The following CLASP2 variants were observed in gnomAD, a reference collection of about 807,000 sequenced individuals.
CLASP2 encodes cytoplasmic linker associated protein 2.
In CLASP2, 47 loss-of-function variants were observed where a neutral mutation model predicts 194.4. The ratio of observed to expected loss-of-function variants is 0.24; its 90% CI spans 0.19 to 0.31. The LOEUF (loss-of-function observed/expected upper bound fraction) is 0.31, where lower values mean the gene tolerates loss of function less well. Among genes scored for constraint, CLASP2 ranks in the 10% least tolerant of loss-of-function variants. The pLI is 1.00. For missense variants in CLASP2, 1,445 were observed against 1,823.6 expected (o/e 0.79, Z 3.78); for synonymous variants, 619 against 633.5 (o/e 0.98, Z 0.34).
chr3:33,604,913 T>G (rs1020790600), intron 16 of CLASP2, among the ~76,000 whole-genome samples: 30 of 152,200 alleles, frequency 2.0e-4, no homozygotes, highest in South Asian at 4.1e-4. Flanking sequence ...CATAGGCAAC[T>G]CAGCATAACC....
intron 38 of CLASP2, among the ~76,000 whole-genome samples, chr3:33,499,040 C>A (rs1575533527): frequency 1.3e-5 from 2 of 152,124 alleles, no homozygotes; most frequent in East Asian, 3.9e-4. Flanking sequence ...TGTGTTCCCA[C>A]TCAAATCTTA....
At chr3:33,626,015 T>G (rs531818309) in intron 10 of CLASP2, among the ~76,000 whole-genome samples, 35 of 152,256 alleles carry the variant, frequency 2.3e-4, no homozygotes, top group African/African-American at 7.9e-4. Context: ...TCTGTCATGT[T>G]TCTCTACAGA....
chr3:33,651,382 CA>C (rs11317189), intron 7 of CLASP2, among the ~76,000 whole-genome samples: 30,474 of 90,472 alleles, frequency 0.34, 2,701 homozygotes, highest in Admixed American at 0.44. Context: ...GATCCTGTCT[CA>C]AAAAAAAAAA....
At chr3:33,605,352 TAGA>T (rs2073535976) in intron 16 of CLASP2, among the ~76,000 whole-genome samples, 1 of 152,198 alleles carries the variant, frequency 6.6e-6, no homozygotes, top group Non-Finnish European at 1.5e-5. Flanking sequence ...CAAATTTAAA[TAGA>T]AGTTTAAACA....
chr3:33,511,425 C>A (rs947264073), intron 36 of CLASP2, among the ~76,000 whole-genome samples: 1 of 152,082 alleles, frequency 6.6e-6, no homozygotes, highest in African/African-American at 2.4e-5. Flanking sequence ...TGACTGGAGT[C>A]CCCTGCATAA....
chr3:33,627,479 C>T (rs1057115362), intron 9 of CLASP2, among the ~76,000 whole-genome samples: 2 of 152,112 alleles, frequency 1.3e-5, no homozygotes, highest in African/African-American at 2.4e-5. Flanking sequence ...TTTTAATTTT[C>T]TCTCCTCAGT....
intron 37 of CLASP2, chr3:33,504,444 G>T (rs1405483420): frequency 6.6e-6 from 1 of 152,122 alleles, no homozygotes; most frequent in Non-Finnish European, 1.5e-5. Context: ...TAAATGCCTG[G>T]GGTCAAAACA....
intron 8 of CLASP2, among the ~76,000 whole-genome samples, chr3:33,636,203 G>A (rs1350374731): frequency 2.6e-5 from 4 of 152,128 alleles, no homozygotes; most frequent in East Asian, 3.9e-4. Context: ...AACAAATCAC[G>A]TAGTAAAGAA....
intron 37 of CLASP2, chr3:33,503,849 A>G (rs1575584862): frequency 6.6e-6 from 1 of 152,240 alleles, no homozygotes; most frequent in African/African-American, 2.4e-5. Context: ...AAAACCTGTT[A>G]TTTTTGTTCT....
intron 8 of CLASP2, among the ~76,000 whole-genome samples, chr3:33,639,697 G>C (rs111543212): frequency 3.9e-5 from 6 of 152,084 alleles, no homozygotes; most frequent in Non-Finnish European, 7.4e-5. Context: ...TATAATCAAC[G>C]TTAGGAGAGA....
rs543771606 is a variant in CLASP2, at chr3:33,570,077, G to T, written c.2763+650C>A. On this transcript the variant is annotated intron_variant, in intron 26 of 38. Coordinates refer to ENST00000682230, the MANE Select transcript of CLASP2 (RefSeq NM_001365631.1). ...TTTCACCATTATCAAACATATTGCT[G>T]GAAACAGAATATGTGACCACAGTTT... Among the ~76,000 whole-genome samples, 37 of 152,112 alleles carry T rather than the reference G, an allele frequency of 2.4e-4. No homozygotes were observed. In the South Asian group the frequency reaches 7.7e-3, roughly 32 times the overall value.
rs374314717 is a variant in CLASP2 at position 33,689,882 on chromosome 3, C to G, written c.325G>C (p.Asp109His). The change falls in exon 3 of 39, where the codon GAT becomes CAT. Residue 109 changes from aspartate to histidine, a missense_variant. Asp to His is a moderately conservative substitution (Grantham distance 81). Around this residue, in one of 4 missense-constraint regions of CLASP2, gnomAD observed 332 missense variants for 325.3 expected, o/e 1.02. Transcript: ENST00000682230. ...TTCAATATCAGAGTCTGAGCTTCAT[C>G]TCGAACCTTGTCTTTGGCATCTCCC... The part of the protein sequence containing the change: ...RMGDAKDKVR[D>H]EAQTLILKLM... 3 of 1,600,656 alleles carry G rather than the reference C, an allele frequency of 1.9e-6. No individual in the cohort carries two copies. In the African/African-American group the frequency reaches 4.0e-5, roughly 21 times the overall value.
chr3:33,662,236 C>T (rs1010507093), intron 7 of CLASP2, among the ~76,000 whole-genome samples: 2 of 152,068 alleles, frequency 1.3e-5, no homozygotes, highest in African/African-American at 4.8e-5. Context: ...GCAATGAATA[C>T]CTTAGATTTT....
intron 22 of CLASP2, among the ~76,000 whole-genome samples, chr3:33,583,015 T>C (rs2066498938): frequency 6.6e-6 from 1 of 152,154 alleles, no homozygotes. Flanking sequence ...CTACACACTA[T>C]TTCTAAGGAA....
intron 12 of CLASP2, among the ~76,000 whole-genome samples, chr3:33,617,084 T>TAA (rs78356707): frequency 7.7e-6 from 1 of 130,542 alleles, no homozygotes; most frequent in Non-Finnish European, 1.7e-5. Context: ...TCTACAATCT[T>TAA]AAAAAAAAAA....
chr3:33,690,267 T>C (rs927471391), intron 2 of CLASP2, among the ~76,000 whole-genome samples: 3 of 152,180 alleles, frequency 2.0e-5, no homozygotes, highest in African/African-American at 4.8e-5. Flanking sequence ...AAGTATCTCA[T>C]AGTCAAAATT....
chr3:33,661,930 A>AT (rs1033914786), intron 7 of CLASP2, among the ~76,000 whole-genome samples: 14 of 152,178 alleles, frequency 9.2e-5, no homozygotes, highest in Non-Finnish European at 2.9e-5. Flanking sequence ...TCATTAAGGA[A>AT]TTTTTCAGTG....
At chr3:33,513,364 C>T (rs1427041217) in intron 36 of CLASP2, among the ~76,000 whole-genome samples, 1 of 152,000 alleles carries the variant, frequency 6.6e-6, no homozygotes, top group Non-Finnish European at 1.5e-5. Flanking sequence ...CACAGCGAAA[C>T]CCCGTTTCCA....
chr3:33,534,481 C>T (rs867129118), intron 34 of CLASP2, among the ~76,000 whole-genome samples: 3 of 152,094 alleles, frequency 2.0e-5, no homozygotes, highest in East Asian at 3.9e-4. Flanking sequence ...GTGGGAGGAT[C>T]GCTTGAGCCT....
Sources: gnomAD v4.1 joint callset for allele counts (sites outside exome capture counted in the v4.1 genomes callset) on GRCh38, gnomAD v4.1.1 for gene constraint, gnomAD v4.1.1 regional missense constraint, MANE v1.5 for transcripts, NCBI Gene and HGNC (gene_info 2026-07-23, HGNC 2026-07-21) for gene names.